The following GABRA2 variants were observed in gnomAD, a reference collection of about 807,000 sequenced individuals.
GABRA2 encodes gamma-aminobutyric acid receptor subunit alpha-2.
GABRA2 carries 16 observed loss-of-function variants against 48.7 expected under a neutral mutation model. The ratio of observed to expected loss-of-function variants is 0.33; its 90% CI spans 0.22 to 0.50. The LOEUF (loss-of-function observed/expected upper bound fraction) is 0.50. Ranked by LOEUF, GABRA2 falls within the 20% of genes least tolerant of loss-of-function variation. The probability of loss-of-function intolerance (pLI) is 0.98; values close to 1 mark genes in which losing one functional copy is unlikely to be tolerated. For missense variants in GABRA2, 275 were observed against 535.6 expected (o/e 0.51, Z 4.80); for synonymous variants, 185 against 184.5 (o/e 1.00, Z -0.02).
chr4:46,344,888 G>A (rs1211937918), intron 3 of GABRA2, among the ~76,000 whole-genome samples: 2 of 151,758 alleles, frequency 1.3e-5, no homozygotes, highest in Admixed American at 1.3e-4. Context: ...ATGATTCCAG[G>A]TCAAAAGTTT....
chr4:46,265,651 T>C (rs1485771483), intron 8 of GABRA2, among the ~76,000 whole-genome samples: 1 of 151,422 alleles, frequency 6.6e-6, no homozygotes, highest in East Asian at 1.9e-4. Flanking sequence ...GTGTGGTAAT[T>C]TTTTCTATTT....
chr4:46,275,011 T>C (rs1178848481), intron 8 of GABRA2, among the ~76,000 whole-genome samples: 1 of 152,074 alleles, frequency 6.6e-6, no homozygotes, highest in Admixed American at 6.6e-5. Context: ...TTGGGCAGTT[T>C]TATTTTAGTT....
chr4:46,264,986 C>CATATAT lies in GABRA2; in HGVS notation c.857-2864_857-2859dup, dbSNP rs72160209. Among the ~76,000 whole-genome samples the CATATAT allele has an allele frequency of 3.4e-4, 37 of 107,526 alleles. 3 individuals are homozygous for CATATAT. The highest frequency in any genetic ancestry group is 0.011 in the Middle Eastern group (2 of 178). The allele number at this position is 107,526 out of a possible 152,430, so 70.5% of individuals were successfully genotyped here. ...CAATTGTTCCCAGAATTACTTTATA[C>CATATAT]ATATATATATATATATGTATAAAGA... On this transcript the variant is annotated intron_variant, in intron 8 of 9. Coordinates refer to ENST00000381620, the MANE Select transcript of GABRA2 (RefSeq NM_000807.4).
rs1222722098 is a variant in GABRA2, at chr4:46,244,168, A to G, written c.*6140T>C. The stretch of plus-strand genomic sequence containing the variant: ...GTGGCTCAATAATTGAGTTTTACTT[A>G]TGTCTTTCTAATTATACGTTACACC... On this transcript the variant is annotated 3_prime_UTR_variant, in exon 10 of 10. Coordinates refer to ENST00000381620, the MANE Select transcript of GABRA2 (RefSeq NM_000807.4). The G allele has an allele frequency of 6.6e-6, 1 of 151,562 alleles. No homozygotes were observed. The highest frequency in any genetic ancestry group is 1.5e-5 in the Non-Finnish European group (1 of 67,690). The allele number at this position is 151,562 out of a possible 1,614,324, so 9.4% of individuals were successfully genotyped here. A position where few individuals can be genotyped will look rare whatever the true frequency, so the allele number is the denominator to read the frequency against.
At chr4:46,371,829 T>C (rs73133240) in intron 3 of GABRA2, among the ~76,000 whole-genome samples, 2 of 152,090 alleles carry the variant, frequency 1.3e-5, no homozygotes, top group African/African-American at 4.8e-5. Flanking sequence ...TGTCAAAAAA[T>C]TGATATTATA....
chr4:46,347,775 G>T (rs1327034002), intron 3 of GABRA2, among the ~76,000 whole-genome samples: 1 of 151,770 alleles, frequency 6.6e-6, no homozygotes, highest in African/African-American at 2.4e-5. Context: ...CTTTTGCACT[G>T]CAAAGGAAAC....
At chr4:46,369,100 G>A in intron 3 of GABRA2, 1 of 662,682 alleles carries the variant, frequency 1.5e-6, no homozygotes, top group South Asian at 1.6e-5. Flanking sequence ...TGGGAAATAG[G>A]GTAGGGCTAG....
At chr4:46,354,306 T>A (rs1318182794) in intron 3 of GABRA2, among the ~76,000 whole-genome samples, 1 of 152,178 alleles carries the variant, frequency 6.6e-6, no homozygotes, top group Non-Finnish European at 1.5e-5. Context: ...CTTGTTTTAC[T>A]ACACAGTTCT....
chr4:46,389,194 A>AG, intron 1 of GABRA2: 1 of 988,312 alleles, frequency 1.0e-6, no homozygotes, highest in Admixed American at 6.0e-5. Context: ...GGGAAAAGCT[A>AG]GGGGCAGGCA....
intron 8 of GABRA2, among the ~76,000 whole-genome samples, chr4:46,286,781 T>C (rs1722626496): frequency 6.6e-6 from 1 of 152,116 alleles, no homozygotes; most frequent in South Asian, 2.1e-4. Flanking sequence ...CTTTGCCCAG[T>C]TTTTAGATTT....
intron 8 of GABRA2, among the ~76,000 whole-genome samples, chr4:46,282,158 A>G (rs1291989267): frequency 1.3e-5 from 2 of 152,208 alleles, no homozygotes; most frequent in East Asian, 3.9e-4. Context: ...GGTGCATGAT[A>G]ATCCTTCTAA....
At chr4:46,348,835 T>A (rs1734631753) in intron 3 of GABRA2, among the ~76,000 whole-genome samples, 1 of 148,548 alleles carries the variant, frequency 6.7e-6, no homozygotes, top group Non-Finnish European at 1.5e-5. Context: ...GAATGACGAG[T>A]TAATGGGTGC....
At position 46,250,286 on chromosome 4, in the gene GABRA2, C is replaced by T. The variant is rs771066616; in HGVS notation, c.*22G>A. 2.5e-6 allele frequency: 4 copies of T among 1,591,292 alleles called. No individual in the cohort carries two copies. The highest frequency in any genetic ancestry group is 1.4e-5 in the African/African-American group (1 of 73,656). On this transcript the variant is annotated 3_prime_UTR_variant, in exon 10 of 10. Transcript: ENST00000381620. ...CCAAATTTAATGTTGCTATACATCCCAAAGATAACATGGGTCTCAATTCAA... is the reference window on the plus strand; with the variant it reads ...CCAAATTTAATGTTGCTATACATCCTAAAGATAACATGGGTCTCAATTCAA...
intron 3 of GABRA2, among the ~76,000 whole-genome samples, chr4:46,385,078 CATATATATATAT>C (rs36113226): frequency 0.088 from 12,591 of 143,514 alleles, 582 homozygotes; most frequent in Non-Finnish European, 0.11. Flanking sequence ...AATTGCCTAA[CATATATATATAT>C]ATATATATAT....
rs570528266 is a variant in GABRA2, at chr4:46,276,780, A to T, written c.857-14652T>A. Among the ~76,000 whole-genome samples the T allele has an allele frequency of 2.6e-5, 4 of 152,142 alleles. No homozygotes were observed. In the South Asian group the frequency reaches 6.2e-4, roughly 24 times the overall value. The stretch of plus-strand genomic sequence containing the variant: ...TGTTTTTGTCTGGAAAATGGGGATA[A>T]TGTCACTTTCCTAACTGGGGATTTT... On this transcript the variant is annotated intron_variant, in intron 8 of 9. Coordinates refer to ENST00000381620, the MANE Select transcript of GABRA2 (RefSeq NM_000807.4).
At position 46,244,078 on chromosome 4, in the gene GABRA2, G is replaced by C. The variant is rs913455728; in HGVS notation, c.*6230C>G. 6.6e-6 allele frequency: 1 copy of C among 151,474 alleles called. No homozygotes were observed. The highest frequency in any genetic ancestry group is 1.5e-5 in the Non-Finnish European group (1 of 67,644). 9.4% of individuals were successfully genotyped at this position (151,474 alleles called of 1,614,324 possible). A position where few individuals can be genotyped will look rare whatever the true frequency, so the allele number is the denominator to read the frequency against. ...CAATTTTAAAATCAAGTGTAGTGCA[G>C]GCACCCAAGATTAACAAGCAATAAG... On this transcript the variant is annotated 3_prime_UTR_variant, in exon 10 of 10. Coordinates refer to ENST00000381620, the MANE Select transcript of GABRA2 (RefSeq NM_000807.4).
At chr4:46,378,686 G>A (rs796309504) in intron 3 of GABRA2, among the ~76,000 whole-genome samples, 10 of 152,068 alleles carry the variant, frequency 6.6e-5, no homozygotes, top group African/African-American at 2.4e-4. Flanking sequence ...AATTAGCTGG[G>A]TGTGGTGGCA....
chr4:46,352,082 C>T (rs1035808032), intron 3 of GABRA2, among the ~76,000 whole-genome samples: 7 of 151,898 alleles, frequency 4.6e-5, no homozygotes, highest in African/African-American at 1.7e-4. Flanking sequence ...TGGTACAACC[C>T]CAGCTAACAG....
At chr4:46,291,663 G>A (rs1170009998) in intron 8 of GABRA2, among the ~76,000 whole-genome samples, 1 of 151,902 alleles carries the variant, frequency 6.6e-6, no homozygotes, top group Non-Finnish European at 1.5e-5. Flanking sequence ...CGCACCCCAA[G>A]TTCTTCAGCT....
Sources: gnomAD v4.1 joint callset for allele counts (sites outside exome capture counted in the v4.1 genomes callset) on GRCh38, gnomAD v4.1.1 for gene constraint, MANE v1.5 for transcripts, NCBI Gene and HGNC (gene_info 2026-07-23, HGNC 2026-07-21) for gene names.